Variants in CDH13 observed in about 807,000 individuals in gnomAD.
CDH13 encodes the protein cadherin 13.
In CDH13, 24 loss-of-function variants were observed where a neutral mutation model predicts 63.8. That is an observed-to-expected ratio of 0.38 (90% confidence interval 0.27 to 0.53). CDH13 has a LOEUF of 0.53. Among genes scored for constraint, CDH13 ranks in the 20% least tolerant of loss-of-function variants. CDH13 has a pLI of 0.85. For synonymous variants in CDH13, 503 were observed against 355.3 expected, an observed-to-expected ratio of 1.42 and a Z score of -4.67; for missense variants, 1,049 against 903.1, an observed-to-expected ratio of 1.16 and a Z score of -2.07.
In CDH13 at chr16:82,701,254, G is replaced by C. The variant is rs1408723974; in HGVS notation, c.45+74117G>C. On this transcript the variant is annotated intron_variant, in intron 1 of 13. Transcript: ENST00000567109. Reference sequence around the variant, plus strand: ...CACATCTCCTTTCAACCTTGGGCATGGCCCTAGTTCAAGGTCCTATTTTTC... The same window carrying C: ...CACATCTCCTTTCAACCTTGGGCATCGCCCTAGTTCAAGGTCCTATTTTTC... Among the ~76,000 whole-genome samples the C allele has an allele frequency of 3.3e-5, 5 of 152,016 alleles. No individual in the cohort carries two copies. The East Asian group carries it at 9.7e-4, about 29-fold the overall frequency.
chr16:83,607,183 C>T (rs1485703863), intron 8 of CDH13, among the ~76,000 whole-genome samples: 1 of 152,104 alleles, frequency 6.6e-6, no homozygotes, highest in African/African-American at 2.4e-5. Context: ...TCCGGGAGGC[C>T]GAGGTGGGTG....
intron 7 of CDH13, among the ~76,000 whole-genome samples, chr16:83,533,124 A>G (rs958563568): frequency 2.6e-5 from 4 of 152,222 alleles, no homozygotes; most frequent in African/African-American, 9.6e-5. Flanking sequence ...GGGAGAGGAG[A>G]GCGAGATGCT....
At chr16:82,928,693 C>T (rs1473790813) in intron 2 of CDH13, among the ~76,000 whole-genome samples, 1 of 152,142 alleles carries the variant, frequency 6.6e-6, no homozygotes, top group African/African-American at 2.4e-5. Context: ...CAGTAATTTA[C>T]AGATTTGAAT....
At chr16:83,470,678 C>G (rs2073430709) in intron 6 of CDH13, among the ~76,000 whole-genome samples, 1 of 152,138 alleles carries the variant, frequency 6.6e-6, no homozygotes, top group Admixed American at 6.5e-5. Context: ...ATAGCAGCCA[C>G]CACAACCACA....
At chr16:83,576,455 G>T (rs149958427) in intron 7 of CDH13, among the ~76,000 whole-genome samples, 8 of 152,274 alleles carry the variant, frequency 5.3e-5, no homozygotes, top group African/African-American at 1.7e-4. Context: ...CTAATGTGCT[G>T]TTCTATGAAC....
At chr16:83,596,956 C>T (rs1177192682) in intron 7 of CDH13, among the ~76,000 whole-genome samples, 7 of 152,178 alleles carry the variant, frequency 4.6e-5, no homozygotes, top group Non-Finnish European at 1.0e-4. Flanking sequence ...GGCACGGTGT[C>T]TCATGCCTAT....
At chr16:83,263,768 A>G (rs1208998266) in intron 5 of CDH13, among the ~76,000 whole-genome samples, 2 of 152,188 alleles carry the variant, frequency 1.3e-5, no homozygotes, top group African/African-American at 4.8e-5. Context: ...GGCTGCTGCC[A>G]TGGCCTCAAT....
At chr16:83,760,539 A>G (rs761658774) in intron 11 of CDH13, among the ~76,000 whole-genome samples, 17 of 152,260 alleles carry the variant, frequency 1.1e-4, no homozygotes, top group Non-Finnish European at 2.4e-4. Flanking sequence ...TCACAACATC[A>G]TGGGTGAATC....
intron 6 of CDH13, among the ~76,000 whole-genome samples, chr16:83,463,291 T>C (rs1416981426): frequency 6.6e-6 from 1 of 152,198 alleles, no homozygotes; most frequent in African/African-American, 2.4e-5. Context: ...TATGCTGTCA[T>C]AGTAAAGTAC....
chr16:83,055,397 A>C (rs914199079), intron 3 of CDH13, among the ~76,000 whole-genome samples: 1 of 151,184 alleles, frequency 6.6e-6, no homozygotes, highest in African/African-American at 2.4e-5. Flanking sequence ...AAAAAAAGAA[A>C]AGACACTATG....
intron 7 of CDH13, among the ~76,000 whole-genome samples, chr16:83,553,652 G>T (rs1598279268): frequency 6.6e-6 from 1 of 152,182 alleles, no homozygotes; most frequent in African/African-American, 2.4e-5. Flanking sequence ...TGCCTCTTGG[G>T]TTCAAGCCAT....
intron 6 of CDH13, among the ~76,000 whole-genome samples, chr16:83,440,783 T>TG (rs2072457796): frequency 5.1e-5 from 1 of 19,588 alleles, no homozygotes; most frequent in Non-Finnish European, 9.7e-5. Flanking sequence ...AGACTTCATC[T>TG]CAAAAAAAAA....
At chr16:83,266,441 A>G (rs112318111) in intron 5 of CDH13, among the ~76,000 whole-genome samples, 246 of 152,354 alleles carry the variant, frequency 1.6e-3, no homozygotes, top group African/African-American at 5.6e-3. Flanking sequence ...CATTGAATTT[A>G]TCACTTAATG....
At chr16:83,066,533 A>G (rs142963592) in intron 3 of CDH13, among the ~76,000 whole-genome samples, 1 of 152,316 alleles carries the variant, frequency 6.6e-6, no homozygotes, top group African/African-American at 2.4e-5. Flanking sequence ...AAGGGATTAT[A>G]AAGCCTGAAT....
intron 8 of CDH13, among the ~76,000 whole-genome samples, chr16:83,628,466 A>G (rs1286832415): frequency 6.6e-6 from 1 of 152,174 alleles, no homozygotes; most frequent in Non-Finnish European, 1.5e-5. Flanking sequence ...CTGATAAGTC[A>G]CATTCCAGAC....
chr16:83,217,807 G>A (rs1287297685), intron 5 of CDH13, among the ~76,000 whole-genome samples: 2 of 152,180 alleles, frequency 1.3e-5, no homozygotes, highest in Admixed American at 6.6e-5. Flanking sequence ...CCAGAGACCA[G>A]CTTGATGATC....
rs1415971740 is a variant in CDH13 at position 83,251,905 on chromosome 16, CT to C, written c.636+34413del. Among the ~76,000 whole-genome samples the C allele has an allele frequency of 2.6e-5, 4 of 151,868 alleles. No homozygotes were observed. The East Asian group carries it at 5.8e-4, about 22-fold the overall frequency. On this transcript the variant is annotated intron_variant, in intron 5 of 13. Transcript: ENST00000567109. ...GAGGCCTTCCCCTCACCAAGCTGAG[CT>C]TTTTAAAAGTTTAATCTATAGCCCC...
At position 83,032,651 on chromosome 16, in the gene CDH13, C is replaced by T. The variant is rs116210769; in HGVS notation, c.366+433C>T. On this transcript the variant is annotated intron_variant, in intron 3 of 13. Coordinates refer to ENST00000567109, the MANE Select transcript of CDH13 (RefSeq NM_001257.5). ...AAGCATCTCTTCAAGACGATGCTAGCAAAACCTTGGAATTCAGTCTCGTAG... is the reference window on the plus strand; with the variant it reads ...AAGCATCTCTTCAAGACGATGCTAGTAAAACCTTGGAATTCAGTCTCGTAG... Among the ~76,000 whole-genome samples, 852 of 152,254 alleles carry T rather than the reference C, an allele frequency of 5.6e-3. 6 individuals carry two copies. Among genetic ancestry groups the T allele is most frequent in the African/African-American group, 0.019 (795 of 41,558 alleles).
At chr16:83,188,134 G>A (rs2038584476) in intron 4 of CDH13, among the ~76,000 whole-genome samples, 1 of 152,190 alleles carries the variant, frequency 6.6e-6, no homozygotes, top group Non-Finnish European at 1.5e-5. Flanking sequence ...TATTCTAATT[G>A]AGTGGGAAAG....
Sources: allele counts gnomAD v4.1 joint callset (sites outside exome capture counted in the v4.1 genomes callset), GRCh38; gene constraint gnomAD v4.1.1; transcripts MANE v1.5; gene names NCBI Gene and HGNC (gene_info 2026-07-23, HGNC 2026-07-21).